EGFLAM: variants seen among roughly 807,000 people sequenced by gnomAD.
The protein encoded by EGFLAM is pikachurin.
Under a neutral mutation model 113.1 loss-of-function variants are expected in EGFLAM, and 79 were observed. The ratio of observed to expected loss-of-function variants is 0.70; its 90% CI spans 0.58 to 0.84. The LOEUF (loss-of-function observed/expected upper bound fraction) is 0.84. Ranked by LOEUF, EGFLAM falls within the 40% of genes least tolerant of loss-of-function variation. The pLI is 0.00. For missense variants in EGFLAM, 1,265 were observed against 1,291.6 expected (o/e 0.98, Z 0.32); for synonymous variants, 504 against 487.6 (o/e 1.03, Z -0.44).
chr5:38,370,659 A>T, intron 6 of EGFLAM, among the ~76,000 whole-genome samples, 197 bp downstream of exon 6: 1 of 152,186 alleles, frequency 6.6e-6, no homozygotes, highest in Non-Finnish European at 1.5e-5. Flanking sequence ...TATGTCCTGG[A>T]GGTCAGCAGA....
intron 6 of EGFLAM, among the ~76,000 whole-genome samples, chr5:38,387,885 A>G (rs1297411298): frequency 6.6e-6 from 1 of 152,216 alleles, no homozygotes; most frequent in African/African-American, 2.4e-5. Flanking sequence ...GGGTCAGTGA[A>G]GACTCAAGCC....
chr5:38,433,828 C>T (rs950747949), intron 15 of EGFLAM, among the ~76,000 whole-genome samples: 2 of 152,180 alleles, frequency 1.3e-5, no homozygotes, highest in African/African-American at 4.8e-5. Flanking sequence ...CTTTATACTT[C>T]TTTGTTAACC....
Position 38,407,102 on chromosome 5 carries a change from G to A in EGFLAM, c.1103G>A (p.Arg368Gln), listed in dbSNP as rs746669041. 6.9e-5 allele frequency: 112 copies of A among 1,613,974 alleles called. No individual in the cohort carries two copies. The highest frequency in any genetic ancestry group is 1.6e-4 in the Middle Eastern group (1 of 6,084). ...AATGACTACACCTGGGGGGGCTCGC[G>A]ATGCCAGTGCACCCTGGGCAAAGGT... The part of the protein sequence containing the change: ...CVNDYTWGGS[R>Q]CQCTLGKGGE... Residue 368 changes from arginine (R) to glutamine (Q), a missense_variant, in exon 8 of 22, where the codon CGA becomes CAA. Arg to Gln is a conservative substitution (Grantham distance 43). Coordinates refer to ENST00000322350, the MANE Select transcript of EGFLAM (RefSeq NM_152403.4).
chr5:38,337,676 CTG>C, intron 2 of EGFLAM, 47 bp downstream of exon 2: 1 of 1,465,276 alleles, frequency 6.8e-7, no homozygotes. Context: ...TGTCGTGTGA[CTG>C]TATGTCTTTC....
rs1044714376 is a variant in EGFLAM, at chr5:38,417,970, C to A, written c.1495-96C>A. On this transcript the variant is annotated intron_variant, in intron 11 of 21. Coordinates refer to ENST00000322350, the MANE Select transcript of EGFLAM (RefSeq NM_152403.4). ...ATGGAAGAAAATGCTGGGGCTGTCA[C>A]TGACGTCTTAACCATGTCCCTCATA... is the stretch of plus-strand genomic sequence containing the variant. 12 of 1,253,582 alleles carry A rather than the reference C, an allele frequency of 9.6e-6. No homozygotes were observed. In the Admixed American group the frequency reaches 2.7e-4, roughly 28 times the overall value. 77.7% of individuals were successfully genotyped at this position (1,253,582 alleles called of 1,614,324 possible).
intron 1 of EGFLAM, among the ~76,000 whole-genome samples, chr5:38,306,933 T>A (rs943925681): frequency 3.3e-5 from 5 of 152,124 alleles, no homozygotes; most frequent in African/African-American, 1.2e-4. Context: ...GGAGAATCAA[T>A]AAACCCGGCT....
intron 5 of EGFLAM, among the ~76,000 whole-genome samples, chr5:38,355,259 A>G (rs1301399566): frequency 6.6e-6 from 1 of 152,162 alleles, no homozygotes; most frequent in Non-Finnish European, 1.5e-5. Flanking sequence ...GCCCATGAAA[A>G]AGACAGGAGA....
At position 38,418,261 on chromosome 5, in the gene EGFLAM, T is replaced by A; in HGVS notation, c.1684+6T>A. On this transcript the variant is annotated splice_donor_region_variant and intron_variant, in intron 12 of 21. Transcript: ENST00000322350. Reference sequence around the variant, plus strand: ...ACTCAGTGGGGCTGATGTGGGTAAGTGGCTGCCTGGTGGGTTGGGGTACTC... The same window carrying A: ...ACTCAGTGGGGCTGATGTGGGTAAGAGGCTGCCTGGTGGGTTGGGGTACTC... The A allele has an allele frequency of 6.2e-7, 1 of 1,613,906 alleles. No individual in the cohort carries two copies. The highest frequency in any genetic ancestry group is 1.1e-5 in the South Asian group (1 of 91,048).
At chr5:38,267,115 G>A (rs1323755665) in intron 1 of EGFLAM, among the ~76,000 whole-genome samples, 4 of 152,152 alleles carry the variant, frequency 2.6e-5, no homozygotes, top group African/African-American at 9.7e-5. Context: ...ACATCCCAGT[G>A]CTTTGATCTC....
At chr5:38,404,089 T>C (rs1349694447) in intron 6 of EGFLAM, among the ~76,000 whole-genome samples, 2 of 152,158 alleles carry the variant, frequency 1.3e-5, no homozygotes, top group Non-Finnish European at 2.9e-5. Context: ...CTGACTGCAC[T>C]TCTCTCGTCT....
Position 38,427,023 on chromosome 5 carries a change from A to G in EGFLAM, c.1825A>G (p.Ile609Val), listed in dbSNP as rs781020015. Residue 609 changes from isoleucine to valine, a missense_variant, in exon 14 of 22, where the codon ATT (isoleucine) becomes GTT (valine). Transcript: ENST00000322350. ...TGTTTTTTCAGCTTTCACCTTGACC[A>G]TTCCTCAGTTCAGAGAGTCTCTGAG... ...RHCEDAFTLT[I>V]PQFRESLRSY... 7 of 1,613,960 alleles carry G rather than the reference A, an allele frequency of 4.3e-6. No individual in the cohort carries two copies. Among genetic ancestry groups the G allele is most frequent in the Non-Finnish European group, 5.1e-6 (6 of 1,179,972 alleles).
intron 3 of EGFLAM, among the ~76,000 whole-genome samples, chr5:38,340,731 AG>A (rs2111955855): frequency 6.6e-6 from 1 of 151,984 alleles, no homozygotes; most frequent in Admixed American, 6.6e-5. Flanking sequence ...GACTCAAGGG[AG>A]GGACATCCCA....
intron 1 of EGFLAM, among the ~76,000 whole-genome samples, chr5:38,312,632 T>C (rs1363887238): frequency 1.3e-5 from 2 of 152,278 alleles, no homozygotes; most frequent in East Asian, 3.9e-4. Flanking sequence ...ATCTAAAATG[T>C]GTTAGATGTT....
At chr5:38,299,155 C>T (rs1179162494) in intron 1 of EGFLAM, among the ~76,000 whole-genome samples, 1 of 152,184 alleles carries the variant, frequency 6.6e-6, no homozygotes, top group African/African-American at 2.4e-5. Context: ...AGAGACTTTT[C>T]TCTTGGTCAC....
intron 1 of EGFLAM, among the ~76,000 whole-genome samples, chr5:38,318,414 T>G (rs1182504559): frequency 6.6e-6 from 1 of 151,344 alleles, no homozygotes; most frequent in Non-Finnish European, 1.5e-5. Flanking sequence ...GATAGCTAGA[T>G]AGTATAGTAT....
intron 1 of EGFLAM, among the ~76,000 whole-genome samples, chr5:38,333,460 T>C (rs549331009): frequency 1.3e-5 from 2 of 152,302 alleles, no homozygotes; most frequent in African/African-American, 4.8e-5. Flanking sequence ...CTTGAAAGCA[T>C]CTGTTATTTT....
chr5:38,416,579 A>G (rs1199798400), intron 11 of EGFLAM, among the ~76,000 whole-genome samples: 3 of 152,196 alleles, frequency 2.0e-5, no homozygotes, highest in African/African-American at 7.2e-5. Flanking sequence ...GTTGCCCGGG[A>G]TCTTGCGAAG....
chr5:38,355,918 G>C (rs1207526435), intron 5 of EGFLAM, among the ~76,000 whole-genome samples: 5 of 152,066 alleles, frequency 3.3e-5, no homozygotes, highest in African/African-American at 1.2e-4. Flanking sequence ...CCACCACGAT[G>C]CCTGGCTAAT....
At chr5:38,419,899 C>A (rs1010513264) in intron 12 of EGFLAM, among the ~76,000 whole-genome samples, 2 of 152,076 alleles carry the variant, frequency 1.3e-5, no homozygotes, top group African/African-American at 4.8e-5. Flanking sequence ...TAGTGGCACA[C>A]CCATGTAATC....
Sources: gnomAD v4.1 joint callset for allele counts (sites outside exome capture counted in the v4.1 genomes callset) on GRCh38, gnomAD v4.1.1 for gene constraint, MANE v1.5 for transcripts, NCBI Gene and HGNC (gene_info 2026-07-23, HGNC 2026-07-21) for gene names.